Variants in RGS6 observed in about 807,000 individuals in gnomAD.
The protein encoded by RGS6 is regulator of G-protein signaling 6.
In RGS6, 30 loss-of-function variants were observed where a neutral mutation model predicts 78.5. The ratio of observed to expected loss-of-function variants is 0.38; its 90% CI spans 0.29 to 0.52. The LOEUF (loss-of-function observed/expected upper bound fraction) is 0.52. Ranked by LOEUF, RGS6 falls within the 20% of genes least tolerant of loss-of-function variation. RGS6 has a pLI of 0.85. For missense variants in RGS6, 495 were observed against 609.7 expected (o/e 0.81, Z 1.98); for synonymous variants, 206 against 206.0 (o/e 1.00, Z 0.00).
intron 1 of RGS6, among the ~76,000 whole-genome samples, chr14:71,937,973 A>G (rs1423699423): frequency 6.6e-6 from 1 of 152,180 alleles, no homozygotes; most frequent in East Asian, 1.9e-4. Context: ...AGCCTTGGTG[A>G]GTGGAAGTCC....
chr14:72,172,910 C>G (rs935184498), intron 2 of RGS6, among the ~76,000 whole-genome samples: 3 of 152,180 alleles, frequency 2.0e-5, no homozygotes, highest in Non-Finnish European at 2.9e-5. Flanking sequence ...GAGGACTGCA[C>G]GAGCTCTCCC....
intron 2 of RGS6, among the ~76,000 whole-genome samples, chr14:71,971,415 A>G (rs1294357137): frequency 6.6e-6 from 1 of 152,118 alleles, no homozygotes; most frequent in African/African-American, 2.4e-5. Context: ...CTCAAGGCAG[A>G]CTACTTTCCT....
At chr14:72,412,274 C>A (rs1041733284) in intron 3 of RGS6, among the ~76,000 whole-genome samples, 3 of 152,196 alleles carry the variant, frequency 2.0e-5, no homozygotes, top group African/African-American at 7.2e-5. Context: ...AGAGATTCAA[C>A]TTCTTCCTGG....
chr14:72,130,143 A>G lies in RGS6; in HGVS notation c.84+165268A>G, dbSNP rs1223971610. ...AACTAAGGAAAGTGCTATACTTACA[A>G]TTACAGTTTATTATAAATGATACAA... On this transcript the variant is annotated intron_variant, in intron 2 of 17. Coordinates refer to ENST00000553525, the MANE Select transcript of RGS6 (RefSeq NM_001204424.2). 2.6e-5 allele frequency among the ~76,000 whole-genome samples: 4 copies of G among 152,172 alleles called. No homozygotes were observed. The East Asian group carries it at 7.7e-4, about 29-fold the overall frequency.
At chr14:72,008,822 G>GA (rs1156817420) in intron 2 of RGS6, among the ~76,000 whole-genome samples, 1 of 152,104 alleles carries the variant, frequency 6.6e-6, no homozygotes, top group African/African-American at 2.4e-5. Flanking sequence ...ATACTATGTA[G>GA]AAAAAAACTG....
chr14:72,587,781 T>G, the RGS6 span, among the ~76,000 whole-genome samples: 1 of 152,186 alleles, frequency 6.6e-6, no homozygotes, highest in African/African-American at 2.4e-5. Flanking sequence ...AAGAACTGTC[T>G]ACTAACACTA....
chr14:72,618,318 G>C, the RGS6 span, among the ~76,000 whole-genome samples: 1 of 152,180 alleles, frequency 6.6e-6, no homozygotes, highest in Non-Finnish European at 1.5e-5. Flanking sequence ...CAATACTGAA[G>C]GTTTCTCAAA....
At chr14:72,602,501 G>T in the RGS6 span, among the ~76,000 whole-genome samples, 1 of 152,160 alleles carries the variant, frequency 6.6e-6, no homozygotes, top group Non-Finnish European at 1.5e-5. Context: ...CCTGTGAGTG[G>T]CATTGCCAGC....
At chr14:72,237,652 G>C (rs375674598) in intron 2 of RGS6, among the ~76,000 whole-genome samples, 2 of 152,212 alleles carry the variant, frequency 1.3e-5, no homozygotes, top group South Asian at 2.1e-4. Context: ...ATTGAGACGG[G>C]AGAGTTCCCT....
At position 72,111,263 on chromosome 14, in the gene RGS6, C is replaced by T. The variant is rs551973299; in HGVS notation, c.84+146388C>T. 5.3e-5 allele frequency among the ~76,000 whole-genome samples: 8 copies of T among 152,246 alleles called. No homozygotes were observed. In the South Asian group the frequency reaches 8.3e-4, roughly 16 times the overall value. On this transcript the variant is annotated intron_variant, in intron 2 of 17. Coordinates refer to ENST00000553525, the MANE Select transcript of RGS6 (RefSeq NM_001204424.2). The stretch of plus-strand genomic sequence containing the variant: ...AGTAAATGACATCCAACTCTCCTTA[C>T]ATGGAAAAAAGGCACTAAAGTGCTG...
chr14:72,125,002 T>C (rs1042310501), intron 2 of RGS6, among the ~76,000 whole-genome samples: 7 of 152,226 alleles, frequency 4.6e-5, no homozygotes, highest in African/African-American at 1.4e-4. Context: ...AGATTTTCCA[T>C]TATAATCTTT....
intron 2 of RGS6, among the ~76,000 whole-genome samples, chr14:72,207,504 T>A (rs898522918): frequency 6.6e-6 from 1 of 152,232 alleles, no homozygotes; most frequent in Non-Finnish European, 1.5e-5. Context: ...AATAAAATTT[T>A]CCATGGCTGC....
chr14:72,561,968 T>G (rs1392663277), intron 17 of RGS6, among the ~76,000 whole-genome samples: 1 of 152,204 alleles, frequency 6.6e-6, no homozygotes, highest in African/African-American at 2.4e-5. Context: ...TTCATTAGCT[T>G]CTGATCAGCC....
chr14:71,938,845 G>A (rs1451952167), intron 1 of RGS6, among the ~76,000 whole-genome samples: 1 of 152,160 alleles, frequency 6.6e-6, no homozygotes, highest in Non-Finnish European at 1.5e-5. Context: ...TAGGCCAAGA[G>A]CTGTCTCTCA....
chr14:71,885,225 C>T, the RGS6 span, among the ~76,000 whole-genome samples: 1 of 152,112 alleles, frequency 6.6e-6, no homozygotes, highest in East Asian at 1.9e-4. Context: ...ACAAACAAAA[C>T]CTAAACATTT....
chr14:72,359,047 C>G (rs990801460), intron 3 of RGS6, among the ~76,000 whole-genome samples: 4 of 152,192 alleles, frequency 2.6e-5, no homozygotes, highest in Non-Finnish European at 4.4e-5. Flanking sequence ...CTCTACCTCA[C>G]TCTTCACATC....
intron 2 of RGS6, among the ~76,000 whole-genome samples, chr14:72,087,627 CT>C (rs113790680): frequency 0.17 from 24,778 of 144,576 alleles, 2,091 homozygotes; most frequent in Non-Finnish European, 0.19. Context: ...CAACAATATA[CT>C]TTTTTTTTTT....
chr14:72,420,446 A>G (rs1433743042), intron 3 of RGS6, among the ~76,000 whole-genome samples: 3 of 152,220 alleles, frequency 2.0e-5, no homozygotes, highest in Admixed American at 1.3e-4. Context: ...TGGCTTAATT[A>G]CACTTTTTAA....
In RGS6 at chr14:72,016,182, T is replaced by C. The variant is rs534875962; in HGVS notation, c.84+51307T>C. ...TACATTCTTTTAAAGTTTTCAAATG[T>C]AGTGTTTCACAGACACTTAGAATTG... On this transcript the variant is annotated intron_variant, in intron 2 of 17. Coordinates refer to ENST00000553525, the MANE Select transcript of RGS6 (RefSeq NM_001204424.2). Among the ~76,000 whole-genome samples the C allele has an allele frequency of 9.2e-5, 14 of 152,352 alleles. No homozygotes were observed. In the South Asian group the frequency reaches 2.9e-3, roughly 32 times the overall value.
Sources: allele counts gnomAD v4.1 joint callset (sites outside exome capture counted in the v4.1 genomes callset), GRCh38; gene constraint gnomAD v4.1.1; transcripts MANE v1.5; gene names NCBI Gene and HGNC (gene_info 2026-07-23, HGNC 2026-07-21).